The following TBC1D5 variants were observed in gnomAD, a reference collection of about 807,000 sequenced individuals.
TBC1D5 encodes TBC1 domain family, member 5.
TBC1D5 carries 75 observed loss-of-function variants against 100.3 expected under a neutral mutation model. The observed-to-expected ratio is 0.75, with a 90% CI of 0.62 to 0.91. The LOEUF is 0.91. TBC1D5 is among the 40% of genes least tolerant of loss of function. The pLI is 0.00. For synonymous variants in TBC1D5, 323 were observed against 325.6 expected, an observed-to-expected ratio of 0.99 and a Z score of 0.09; for missense variants, 910 against 942.4, an observed-to-expected ratio of 0.97 and a Z score of 0.45.
At chr3:17,494,405 C>A (rs1396159752) in intron 3 of TBC1D5, among the ~76,000 whole-genome samples, 1 of 152,216 alleles carries the variant, frequency 6.6e-6, no homozygotes, top group African/African-American at 2.4e-5. Flanking sequence ...GAATCAGGAA[C>A]CTGCTTAAAG....
At chr3:17,360,128 A>T (rs2091568907) in intron 13 of TBC1D5, among the ~76,000 whole-genome samples, 1 of 152,060 alleles carries the variant, frequency 6.6e-6, no homozygotes, top group African/African-American at 2.4e-5. Flanking sequence ...TTACTAAACC[A>T]CATAGTTTAA....
At chr3:17,233,850 TA>T in intron 17 of TBC1D5, 100 bp from the exon 18 acceptor site, 1 of 641,002 alleles carries the variant, frequency 1.6e-6, no homozygotes, top group Non-Finnish European at 2.6e-6. Context: ...ATCAAATTAC[TA>T]AAAATATAGT....
intron 17 of TBC1D5, among the ~76,000 whole-genome samples, chr3:17,228,455 T>G (rs1159956917): frequency 1.3e-5 from 2 of 152,176 alleles, no homozygotes; most frequent in Non-Finnish European, 2.9e-5. Flanking sequence ...TAAAATGCAG[T>G]ACTCTGGATT....
intron 2 of TBC1D5, among the ~76,000 whole-genome samples, chr3:17,509,957 T>C (rs1222984480): frequency 6.6e-6 from 1 of 152,070 alleles, no homozygotes; most frequent in Non-Finnish European, 1.5e-5. Context: ...TTGTAAATTT[T>C]ATATGTCCCT....
At chr3:17,367,903 T>C (rs572138579) in intron 13 of TBC1D5, among the ~76,000 whole-genome samples, 25 of 152,088 alleles carry the variant, frequency 1.6e-4, no homozygotes, top group African/African-American at 5.8e-4. Context: ...CGAATTATAG[T>C]AAGAGAAACT....
rs553236246 is a variant in TBC1D5, at chr3:17,458,313, G to T, written c.98-29794C>A. 2.0e-5 allele frequency among the ~76,000 whole-genome samples: 3 copies of T among 152,262 alleles called. No homozygotes were observed. The East Asian group carries it at 5.8e-4, about 29-fold the overall frequency. On this transcript the variant is annotated intron_variant, in intron 3 of 21. Coordinates refer to ENST00000253692, the Ensembl canonical transcript of TBC1D5. Reference sequence around the variant, plus strand: ...ATTTCATCAGTACTTAAGGGGAATGGTAATTGTTGCAGCGCTTCTGACAAA... The same window carrying T: ...ATTTCATCAGTACTTAAGGGGAATGTTAATTGTTGCAGCGCTTCTGACAAA...
intron 3 of TBC1D5, among the ~76,000 whole-genome samples, chr3:17,490,227 T>C (rs1219893703): frequency 6.6e-6 from 1 of 152,214 alleles, no homozygotes; most frequent in Admixed American, 6.5e-5. Flanking sequence ...AAGTTCCTTA[T>C]AGACTCTAGA....
At chr3:17,533,004 A>AAT (rs1450012875) in intron 2 of TBC1D5, among the ~76,000 whole-genome samples, 1 of 151,326 alleles carries the variant, frequency 6.6e-6, no homozygotes, top group African/African-American at 2.4e-5. Flanking sequence ...AAAAAAAAAA[A>AAT]TTTGATCACA....
At chr3:17,332,975 G>GA (rs1200404790) in intron 13 of TBC1D5, among the ~76,000 whole-genome samples, 4 of 152,048 alleles carry the variant, frequency 2.6e-5, no homozygotes, top group Non-Finnish European at 4.4e-5. Context: ...GCTGGAGGGG[G>GA]ATGTGTGGTC....
chr3:17,385,356 G>A (rs2093109720), intron 8 of TBC1D5, among the ~76,000 whole-genome samples: 2 of 152,050 alleles, frequency 1.3e-5, no homozygotes, highest in East Asian at 1.9e-4. Flanking sequence ...TGAAGGCATA[G>A]AGCATTATTG....
In TBC1D5 at chr3:17,671,765, CCTAAATCTATTTTTGATGTT is replaced by C. The variant is rs1263695517; in HGVS notation, c.-100-47872_-100-47853del. 3.9e-5 allele frequency among the ~76,000 whole-genome samples: 6 copies of C among 152,280 alleles called. No homozygotes were observed. The East Asian group carries it at 1.2e-3, about 29-fold the overall frequency. On this transcript the variant is annotated intron_variant, in intron 1 of 21. Transcript: ENST00000253692. ...AACATACAAAAAGCAAAAATTACAT[CCTAAATCTATTTTTGATGTT>C]AAGCTAGTCTTGTCTCATTAAATCA... is the stretch of plus-strand genomic sequence containing the variant.
chr3:17,391,380 G>A (rs1026833062), intron 8 of TBC1D5, among the ~76,000 whole-genome samples: 2 of 152,076 alleles, frequency 1.3e-5, no homozygotes, highest in South Asian at 2.1e-4. Flanking sequence ...CAGTAACCAC[G>A]TGACTGCAAT....
chr3:17,537,667 CT>C (rs1197374677), intron 2 of TBC1D5, among the ~76,000 whole-genome samples: 4 of 152,126 alleles, frequency 2.6e-5, no homozygotes, highest in Non-Finnish European at 5.9e-5. Flanking sequence ...TAGAATTTGT[CT>C]TTTTGTGACT....
intron 18 of TBC1D5, among the ~76,000 whole-genome samples, chr3:17,213,166 G>A (rs2073187289): frequency 6.6e-6 from 1 of 151,948 alleles, no homozygotes; most frequent in African/African-American, 2.4e-5. Context: ...TGTTATAATT[G>A]CCTGCAGTAT....
exon 9 of TBC1D5, chr3:17,383,945 C>A (rs975008258): frequency 1.2e-6 from 2 of 1,601,760 alleles, no homozygotes; most frequent in African/African-American, 2.7e-5. Context: ...TTTTCTCTGG[C>A]ATAACAGAAA....
intron 3 of TBC1D5, among the ~76,000 whole-genome samples, chr3:17,496,307 G>A (rs2095706570): frequency 6.6e-6 from 1 of 152,160 alleles, no homozygotes; most frequent in South Asian, 2.1e-4. Context: ...TGTGATACCA[G>A]CAAATTAAAT....
At chr3:17,569,687 C>G (rs1046341746) in intron 2 of TBC1D5, among the ~76,000 whole-genome samples, 2 of 150,990 alleles carry the variant, frequency 1.3e-5, no homozygotes, top group Admixed American at 6.6e-5. Context: ...AAAAAGGAAC[C>G]AAGGGATGAC....
rs76598435 is a variant in TBC1D5 at position 17,478,146 on chromosome 3, T to C, written c.97+30328A>G. On this transcript the variant is annotated intron_variant, in intron 3 of 21. Transcript: ENST00000253692. ...GTTTTTTTGCTTGTTTCCCATTAGC[T>C]GCTTTACTGTTGAGCTCTCATTGCT... Among the ~76,000 whole-genome samples the C allele has an allele frequency of 3.5e-3, 526 of 152,304 alleles. 3 individuals are homozygous for C. Among genetic ancestry groups the C allele is most frequent in the African/African-American group, 0.012 (511 of 41,580 alleles).
chr3:17,340,484 A>AGGG (rs766592476), intron 13 of TBC1D5, among the ~76,000 whole-genome samples: 1 of 152,184 alleles, frequency 6.6e-6, no homozygotes, highest in Non-Finnish European at 1.5e-5. Flanking sequence ...GGGCACATAC[A>AGGG]GGGCCTCTGA....
Sources: gnomAD v4.1 joint callset for allele counts (sites outside exome capture counted in the v4.1 genomes callset) on GRCh38, gnomAD v4.1.1 for gene constraint, MANE v1.5 for transcripts, NCBI Gene and HGNC (gene_info 2026-07-23, HGNC 2026-07-21) for gene names.